The following ARL15 variants were observed in gnomAD, a reference collection of about 807,000 sequenced individuals.
ARL15 encodes the protein ADP-ribosylation factor-like protein 15.
A neutral mutation model predicts 25.2 loss-of-function variants in ARL15; 19 were observed. The ratio of observed to expected loss-of-function variants is 0.75; its 90% CI spans 0.53 to 1.10. The LOEUF is 1.10. Ranked by LOEUF, ARL15 falls within the 50% of genes least tolerant of loss-of-function variation. The pLI is 0.00. For missense variants in ARL15, 220 were observed against 246.0 expected (o/e 0.89, Z 0.71); for synonymous variants, 94 against 86.8 (o/e 1.08, Z -0.46).
chr5:54,220,635 G>A (rs1281846100), intron 1 of ARL15, among the ~76,000 whole-genome samples: 1 of 152,106 alleles, frequency 6.6e-6, no homozygotes, highest in Non-Finnish European at 1.5e-5. Flanking sequence ...TATGTTTCAT[G>A]GTACTAAGAG....
Position 53,976,422 on chromosome 5 carries a change from A to G in ARL15, c.463-89709T>C, listed in dbSNP as rs538338942. 1.2e-4 allele frequency among the ~76,000 whole-genome samples: 19 copies of G among 152,342 alleles called. No homozygotes were observed. The South Asian group carries it at 3.9e-3, about 32-fold the overall frequency. On this transcript the variant is annotated intron_variant, in intron 4 of 4. Transcript: ENST00000504924. ...TGGAAATAAGTGATGAGGGGCTTCTATGCATAGAGCGTCTTCTATGCTGTG... is the reference window on the plus strand; with the variant it reads ...TGGAAATAAGTGATGAGGGGCTTCTGTGCATAGAGCGTCTTCTATGCTGTG...
chr5:54,282,236 C>G, intron 1 of ARL15: 1 of 985,276 alleles, frequency 1.0e-6, no homozygotes, highest in Non-Finnish European at 1.2e-6. Context: ...TTATTTTTCA[C>G]AACATGTGGT....
chr5:54,078,533 A>G (rs1290697281), intron 4 of ARL15, among the ~76,000 whole-genome samples: 1 of 152,200 alleles, frequency 6.6e-6, no homozygotes, highest in African/African-American at 2.4e-5. Context: ...TACTCCACAC[A>G]TTAGTTTTAA....
rs1175417758 is a variant in ARL15 at position 54,246,644 on chromosome 5, T to TA, written c.48+63787dup. The stretch of plus-strand genomic sequence containing the variant: ...ATACACAGACAAGGCTTTTATCTCT[T>TA]ACATGTGTTTTGAAACTGCCCCCTT... On this transcript the variant is annotated intron_variant, in intron 1 of 4. Coordinates refer to ENST00000504924, the MANE Select transcript of ARL15 (RefSeq NM_019087.3). Among the ~76,000 whole-genome samples, 3 of 152,266 alleles carry TA rather than the reference T, an allele frequency of 2.0e-5. No individual in the cohort carries two copies. The East Asian group carries it at 5.8e-4, about 29-fold the overall frequency.
chr5:54,066,964 C>T (rs1167076282), intron 4 of ARL15, among the ~76,000 whole-genome samples: 1 of 152,122 alleles, frequency 6.6e-6, no homozygotes, highest in Non-Finnish European at 1.5e-5. Flanking sequence ...TAGCAAATTC[C>T]TTCTAAGTAC....
chr5:54,116,880 G>A (rs979221856), intron 3 of ARL15, among the ~76,000 whole-genome samples: 1 of 152,152 alleles, frequency 6.6e-6, no homozygotes, highest in African/African-American at 2.4e-5. Context: ...AAAAGGCAAT[G>A]AGGCTAAATA....
Position 54,245,618 on chromosome 5 carries a change from T to C in ARL15, c.48+64814A>G, listed in dbSNP as rs559510834. Among the ~76,000 whole-genome samples the C allele has an allele frequency of 7.2e-5, 11 of 152,172 alleles. No homozygotes were observed. The South Asian group carries it at 1.5e-3, about 20-fold the overall frequency. Reference sequence around the variant, plus strand: ...TTCTTTTTTTTTTGAGATGGAGTTTTGCTCTGCTGTCCAGGCTAGAGTGCA... The same window carrying C: ...TTCTTTTTTTTTTGAGATGGAGTTTCGCTCTGCTGTCCAGGCTAGAGTGCA... On this transcript the variant is annotated intron_variant, in intron 1 of 4. Transcript: ENST00000504924.
intron 1 of ARL15, among the ~76,000 whole-genome samples, chr5:54,247,595 C>A (rs1191102435): frequency 6.8e-5 from 10 of 146,858 alleles, no homozygotes; most frequent in African/African-American, 2.0e-4. Context: ...AAAAAAAAAA[C>A]CCGAACACGT....
chr5:54,061,586 A>T (rs1441535626), intron 4 of ARL15, among the ~76,000 whole-genome samples: 1 of 152,140 alleles, frequency 6.6e-6, no homozygotes, highest in African/African-American at 2.4e-5. Context: ...GGGCAACAAG[A>T]GCGAAACTCC....
chr5:54,137,373 C>T (rs932746996), intron 3 of ARL15, among the ~76,000 whole-genome samples: 1 of 152,138 alleles, frequency 6.6e-6, no homozygotes, highest in South Asian at 2.1e-4. Flanking sequence ...GTATTTTCTG[C>T]ATTAGGGCTC....
chr5:54,222,901 C>T (rs1394804613), intron 1 of ARL15, among the ~76,000 whole-genome samples: 2 of 152,030 alleles, frequency 1.3e-5, no homozygotes, highest in African/African-American at 4.8e-5. Flanking sequence ...CTGACTGCAA[C>T]CTCCGCCTCC....
At chr5:54,032,761 A>G (rs1315608840) in intron 4 of ARL15, among the ~76,000 whole-genome samples, 1 of 152,158 alleles carries the variant, frequency 6.6e-6, no homozygotes, top group Non-Finnish European at 1.5e-5. Flanking sequence ...GCATAAAGCT[A>G]CTCAACCTCT....
chr5:53,941,609 C>A (rs1027771415), intron 4 of ARL15, among the ~76,000 whole-genome samples: 4 of 152,188 alleles, frequency 2.6e-5, no homozygotes, highest in African/African-American at 7.2e-5. Context: ...GTGGCTCTGG[C>A]AGAATGAATA....
chr5:54,185,386 A>C (rs1262773046), intron 1 of ARL15, among the ~76,000 whole-genome samples: 1 of 152,058 alleles, frequency 6.6e-6, no homozygotes, highest in African/African-American at 2.4e-5. Flanking sequence ...ACCTTCTCCA[A>C]ACTCCCTGAG....
intron 4 of ARL15, among the ~76,000 whole-genome samples, chr5:54,028,966 C>T (rs1007158094): frequency 6.6e-6 from 1 of 151,686 alleles, no homozygotes; most frequent in Non-Finnish European, 1.5e-5. Flanking sequence ...AGGCTTAAGG[C>T]GGCAGTGAGC....
chr5:54,050,253 TCTTA>T (rs1750664425), intron 4 of ARL15, among the ~76,000 whole-genome samples: 2 of 152,230 alleles, frequency 1.3e-5, no homozygotes, highest in Admixed American at 6.5e-5. Flanking sequence ...GGGATTTAAC[TCTTA>T]CTTATAAACA....
intron 1 of ARL15, among the ~76,000 whole-genome samples, chr5:54,248,673 A>C (rs1757157230): frequency 6.6e-6 from 1 of 152,138 alleles, no homozygotes; most frequent in South Asian, 2.1e-4. Flanking sequence ...GAAGGCAAGA[A>C]TTTTGTCTGG....
chr5:53,982,806 T>C (rs1015079092), intron 4 of ARL15, among the ~76,000 whole-genome samples: 3 of 152,160 alleles, frequency 2.0e-5, no homozygotes, highest in African/African-American at 7.2e-5. Context: ...CCACCAACAG[T>C]GTAAAGGCAT....
chr5:54,252,751 G>A (rs548243116), intron 1 of ARL15, among the ~76,000 whole-genome samples: 1 of 152,268 alleles, frequency 6.6e-6, no homozygotes, highest in African/African-American at 2.4e-5. Flanking sequence ...TGGAGACAAG[G>A]TCTCACTCTA....
Sources: gnomAD v4.1 joint callset for allele counts (sites outside exome capture counted in the v4.1 genomes callset) on GRCh38, gnomAD v4.1.1 for gene constraint, MANE v1.5 for transcripts, NCBI Gene and HGNC (gene_info 2026-07-23, HGNC 2026-07-21) for gene names.